Variants in ZNF385D observed in about 807,000 individuals in gnomAD.
ZNF385D encodes zinc finger protein 659.
A neutral mutation model predicts 35.8 loss-of-function variants in ZNF385D; 15 were observed. The observed-to-expected ratio is 0.42, with a 90% CI of 0.28 to 0.64. The LOEUF (loss-of-function observed/expected upper bound fraction) is 0.64. Among genes scored for constraint, ZNF385D ranks in the 30% least tolerant of loss-of-function variants. ZNF385D has a pLI of 0.23. For missense variants in ZNF385D, 474 were observed against 494.6 expected (o/e 0.96, Z 0.39); for synonymous variants, 212 against 186.8 (o/e 1.13, Z -1.10).
chr3:21,919,723 C>T (rs1302915731), intron 3 of ZNF385D, among the ~76,000 whole-genome samples: 3 of 152,176 alleles, frequency 2.0e-5, no homozygotes, highest in African/African-American at 7.2e-5. Flanking sequence ...ATACTACCAT[C>T]CTGCAGAACC....
intron 3 of ZNF385D, among the ~76,000 whole-genome samples, chr3:21,867,852 TG>T (rs1697457363): frequency 6.6e-6 from 1 of 152,074 alleles, no homozygotes; most frequent in Non-Finnish European, 1.5e-5. Context: ...TCTAGTCACA[TG>T]TCACTCTTGA....
chr3:22,274,527 C>G (rs1050412659), intron 2 of ZNF385D, among the ~76,000 whole-genome samples: 4 of 151,924 alleles, frequency 2.6e-5, no homozygotes, highest in African/African-American at 9.7e-5. Flanking sequence ...TTTTTAATGG[C>G]TCATGATGTA....
chr3:21,693,775 A>C (rs2067362267), intron 1 of ZNF385D, among the ~76,000 whole-genome samples: 1 of 152,150 alleles, frequency 6.6e-6, no homozygotes. Context: ...TATGAATTTA[A>C]AAAATAAAAA....
intron 4 of ZNF385D, among the ~76,000 whole-genome samples, chr3:21,486,510 G>T (rs1032889575): frequency 3.9e-5 from 6 of 152,058 alleles, no homozygotes; most frequent in Non-Finnish European, 7.4e-5. Flanking sequence ...TGATAAATGT[G>T]CTTGCAAACA....
chr3:22,074,475 GA>G, intron 3 of ZNF385D, among the ~76,000 whole-genome samples: 1 of 151,974 alleles, frequency 6.6e-6, no homozygotes, highest in East Asian at 1.9e-4. Flanking sequence ...AATGATAGTT[GA>G]ACATGAATCT....
intron 2 of ZNF385D, among the ~76,000 whole-genome samples, chr3:22,300,069 T>C (rs554465747): frequency 6.6e-6 from 1 of 151,902 alleles, no homozygotes; most frequent in Non-Finnish European, 1.5e-5. Flanking sequence ...ACTATAAAGC[T>C]ATAGTAATCA....
At chr3:22,277,777 T>C (rs1444402546) in intron 2 of ZNF385D, among the ~76,000 whole-genome samples, 2 of 152,086 alleles carry the variant, frequency 1.3e-5, no homozygotes, top group Non-Finnish European at 2.9e-5. Flanking sequence ...TACGGCTCTC[T>C]GAAGATATGG....
At chr3:22,175,402 T>C (rs942470239) in intron 2 of ZNF385D, among the ~76,000 whole-genome samples, 1 of 151,910 alleles carries the variant, frequency 6.6e-6, no homozygotes, top group Admixed American at 6.6e-5. Flanking sequence ...GAGACAATTA[T>C]CATAAGTGGA....
chr3:21,733,897 TA>T (rs1162918115), intron 1 of ZNF385D, among the ~76,000 whole-genome samples: 1 of 152,190 alleles, frequency 6.6e-6, no homozygotes, highest in Non-Finnish European at 1.5e-5. Context: ...TCCCCATATA[TA>T]AAAGTATTGA....
chr3:21,827,691 C>T (rs1694730449), intron 3 of ZNF385D, among the ~76,000 whole-genome samples: 1 of 152,106 alleles, frequency 6.6e-6, no homozygotes, highest in Admixed American at 6.6e-5. Flanking sequence ...TACAAGGAGT[C>T]TTGGAACGTG....
intron 3 of ZNF385D, among the ~76,000 whole-genome samples, chr3:21,536,799 A>C (rs777970850): frequency 1.6e-4 from 24 of 152,180 alleles, no homozygotes; most frequent in Non-Finnish European, 2.8e-4. Context: ...TGAATCTTAA[A>C]TACAGTGGCC....
intron 3 of ZNF385D, among the ~76,000 whole-genome samples, chr3:21,822,033 A>G (rs906399215): frequency 6.6e-6 from 1 of 151,872 alleles, no homozygotes; most frequent in Non-Finnish European, 1.5e-5. Context: ...AAAAGGAGCA[A>G]TCCAATATTT....
At chr3:21,939,522 C>A (rs1334632705) in intron 3 of ZNF385D, among the ~76,000 whole-genome samples, 1 of 152,062 alleles carries the variant, frequency 6.6e-6, no homozygotes, top group Admixed American at 6.6e-5. Flanking sequence ...TTATAAGTTG[C>A]ATTGTATTTT....
intron 2 of ZNF385D, among the ~76,000 whole-genome samples, chr3:22,184,966 G>C (rs927164899): frequency 1.3e-5 from 2 of 151,386 alleles, no homozygotes; most frequent in Non-Finnish European, 2.9e-5. Flanking sequence ...ATCCTGCCTT[G>C]TCCTGAGTTT....
chr3:22,029,793 A>G, intron 3 of ZNF385D, among the ~76,000 whole-genome samples: 1 of 152,138 alleles, frequency 6.6e-6, no homozygotes, highest in Non-Finnish European at 1.5e-5. Context: ...AGGCGTAATT[A>G]TGACATTGTC....
intron 1 of ZNF385D, among the ~76,000 whole-genome samples, chr3:21,666,243 T>C (rs2066402994): frequency 1.3e-5 from 2 of 152,134 alleles, no homozygotes; most frequent in African/African-American, 2.4e-5. Context: ...TCCCCAATGA[T>C]AAATCCAACC....
chr3:21,706,061 C>T (rs2067887262), intron 1 of ZNF385D, among the ~76,000 whole-genome samples: 1 of 152,210 alleles, frequency 6.6e-6, no homozygotes, highest in African/African-American at 2.4e-5. Context: ...ACTTTGACTC[C>T]TCCAAGGGTC....
chr3:21,814,662 G>A (rs571009333), intron 3 of ZNF385D, among the ~76,000 whole-genome samples: 1 of 152,236 alleles, frequency 6.6e-6, no homozygotes, highest in East Asian at 1.9e-4. Flanking sequence ...ACCCAATACA[G>A]GAGCACCCAG....
At chr3:22,127,923 G>C (rs912809828) in intron 3 of ZNF385D, among the ~76,000 whole-genome samples, 5 of 152,116 alleles carry the variant, frequency 3.3e-5, no homozygotes, top group Non-Finnish European at 5.9e-5. Context: ...GATATGAGTA[G>C]TTTACATACC....
Sources: allele counts gnomAD v4.1 joint callset (sites outside exome capture counted in the v4.1 genomes callset), GRCh38; gene constraint gnomAD v4.1.1; transcripts MANE v1.5; gene names NCBI Gene and HGNC (gene_info 2026-07-23, HGNC 2026-07-21).